Variants in ESR2 observed in about 807,000 individuals in gnomAD.
The protein encoded by ESR2 is estrogen receptor 2.
A neutral mutation model predicts 49.6 loss-of-function variants in ESR2; 36 were observed. That is an observed-to-expected ratio of 0.73 (90% CI 0.56 to 0.96). The LOEUF (loss-of-function observed/expected upper bound fraction) is 0.96, where lower values mean the gene tolerates loss of function less well. ESR2 is among the 40% of genes least tolerant of loss of function. The pLI is 0.00. For synonymous variants in ESR2, 320 were observed against 266.1 expected (o/e 1.20, Z -1.97); for missense variants, 714 against 693.0 (o/e 1.03, Z -0.34).
At chr14:64,321,059 T>C (rs1437456641) in intron 1 of ESR2, among the ~76,000 whole-genome samples, 1 of 152,166 alleles carries the variant, frequency 6.6e-6, no homozygotes, top group Non-Finnish European at 1.5e-5. Context: ...AAATAAAGTA[T>C]TATTTTTTAA....
At chr14:64,261,626 C>G (rs897937577) in intron 4 of ESR2, among the ~76,000 whole-genome samples, 9 of 152,038 alleles carry the variant, frequency 5.9e-5, no homozygotes, top group Admixed American at 5.9e-4. Flanking sequence ...CCATGTTGGC[C>G]AGGCTGCTCT....
intron 1 of ESR2, among the ~76,000 whole-genome samples, chr14:64,323,235 T>C (rs2077346111): frequency 6.6e-6 from 1 of 152,196 alleles, no homozygotes; most frequent in Non-Finnish European, 1.5e-5. Flanking sequence ...TGAGACAGGG[T>C]CTCACTCTGT....
At chr14:64,315,244 A>G (rs1241772870) in intron 1 of ESR2, among the ~76,000 whole-genome samples, 6 of 100,628 alleles carry the variant, frequency 6.0e-5, no homozygotes, top group Non-Finnish European at 1.3e-4. Context: ...AGTCTGTCTC[A>G]AAAAAAAAAA....
chr14:64,286,932 G>T lies in ESR2; in HGVS notation c.-90-3857C>A, dbSNP rs866327571. On this transcript the variant is annotated intron_variant, in intron 1 of 8. Coordinates refer to ENST00000341099, the MANE Select transcript of ESR2 (RefSeq NM_001437.3). Reference sequence around the variant, plus strand: ...GGGTTTCACCATGTTGGCCAGGCTGGTCTTGAACTCCTGACCTCAAGTGAT... The same window carrying T: ...GGGTTTCACCATGTTGGCCAGGCTGTTCTTGAACTCCTGACCTCAAGTGAT... Among the ~76,000 whole-genome samples the T allele has an allele frequency of 2.0e-5, 3 of 151,710 alleles. No homozygotes were observed. In the Middle Eastern group the frequency reaches 0.01, roughly 523 times the overall value.
intron 6 of ESR2, among the ~76,000 whole-genome samples, chr14:64,256,827 T>C (rs1423195971): frequency 6.6e-6 from 1 of 152,180 alleles, no homozygotes; most frequent in Non-Finnish European, 1.5e-5. Flanking sequence ...AAGAATTTTA[T>C]CACCTGTCCA....
In ESR2 at chr14:64,233,309, T is replaced by C. The variant is rs767658683; in HGVS notation, c.1421A>G (p.Glu474Gly). The change falls in exon 9 of 9, where the codon GAA becomes GGA. Residue 474 changes from glutamate to glycine, a missense_variant. Coordinates refer to ENST00000341099, the MANE Select transcript of ESR2 (RefSeq NM_001437.3). ...HVRHASNKGM[E>G]HLLNMKCKNV... is the part of the protein sequence containing the mutation. ...TTTGCACTTCATGTTGAGCAGATGT[T>C]CCATGCCCTTGTTACTATGGGGACA... 6.2e-7 allele frequency: 1 copy of C among 1,612,068 alleles called. No homozygotes were observed. The highest frequency in any genetic ancestry group is 8.5e-7 in the Non-Finnish European group (1 of 1,178,232).
In ESR2 at chr14:64,269,008, G is replaced by T; in HGVS notation, c.536-97C>A. The T allele has an allele frequency of 8.0e-6, 6 of 747,112 alleles. No homozygotes were observed. In the South Asian group the frequency reaches 9.8e-5, roughly 12 times the overall value. 46.3% of individuals were successfully genotyped at this position (747,112 alleles called of 1,614,324 possible). The stretch of plus-strand genomic sequence containing the variant: ...CACTGATAACACTTTCCAGCTGAGA[G>T]ATAGGGGACATCTTCTTAATGACCA... On this transcript the variant is annotated intron_variant, in intron 3 of 8. Transcript: ENST00000341099.
intron 1 of ESR2, among the ~76,000 whole-genome samples, chr14:64,305,584 T>C (rs1050080822): frequency 2.0e-5 from 3 of 151,542 alleles, no homozygotes; most frequent in Non-Finnish European, 4.4e-5. Flanking sequence ...GGCAGGAGAA[T>C]GGTGTGAACC....
At chr14:64,274,887 A>C (rs903817921) in intron 3 of ESR2, among the ~76,000 whole-genome samples, 2 of 152,272 alleles carry the variant, frequency 1.3e-5, no homozygotes, top group Middle Eastern at 3.4e-3. Flanking sequence ...TATATGGTTT[A>C]ATTTCCATGT....
At chr14:64,274,868 G>A (rs913811046) in intron 3 of ESR2, among the ~76,000 whole-genome samples, 1 of 152,108 alleles carries the variant, frequency 6.6e-6, no homozygotes, top group Non-Finnish European at 1.5e-5. Context: ...CACACTGGTT[G>A]TTCAGGAGTA....
At chr14:64,290,291 G>C (rs1274001673) in intron 1 of ESR2, among the ~76,000 whole-genome samples, 1 of 152,116 alleles carries the variant, frequency 6.6e-6, no homozygotes, top group East Asian at 1.9e-4. Context: ...GATTGATCTT[G>C]AACTCCTTGC....
At position 64,260,671 on chromosome 14, in the gene ESR2, T is replaced by C. The variant is rs576722274; in HGVS notation, c.730A>G (p.Lys244Glu). The C allele has an allele frequency of 6.3e-7, 1 of 1,583,294 alleles. No homozygotes were observed. The highest frequency in any genetic ancestry group is 8.6e-7 in the Non-Finnish European group (1 of 1,162,654). ...SADEQLHCAG[K>E]AKRSGGHAPR... is the part of the protein sequence containing the mutation. ...GCGTGGCCGCCACTTCTCTTGGCCT[T>C]GCCGGCACAGTGCAGCTGCTCGTCG... The change falls in exon 5 of 9, where the codon AAG (lysine) becomes GAG (glutamate). Residue 244 changes from lysine to glutamate, a missense_variant. Lys to Glu is a moderately conservative substitution (Grantham distance 56, BLOSUM62 1). Transcript: ENST00000341099.
chr14:64,300,808 CTCT>C (rs2077013092), intron 1 of ESR2, among the ~76,000 whole-genome samples: 1 of 152,190 alleles, frequency 6.6e-6, no homozygotes, highest in Admixed American at 6.5e-5. Context: ...TCATAAAACA[CTCT>C]TCTTTGAGAC....
intron 2 of ESR2, among the ~76,000 whole-genome samples, chr14:64,281,323 T>G (rs142940356): frequency 6.6e-6 from 1 of 152,118 alleles, no homozygotes; most frequent in African/African-American, 2.4e-5. Flanking sequence ...AAGGGAATGG[T>G]AAAGGTATTA....
intron 1 of ESR2, among the ~76,000 whole-genome samples, chr14:64,288,723 A>G (rs923876752): frequency 2.7e-5 from 4 of 149,928 alleles, no homozygotes; most frequent in African/African-American, 7.3e-5. Context: ...CGGGTGGCTC[A>G]TGCCTGTAAT....
intron 1 of ESR2, among the ~76,000 whole-genome samples, chr14:64,288,598 T>C (rs1459421903): frequency 6.6e-6 from 1 of 151,970 alleles, no homozygotes; most frequent in East Asian, 1.9e-4. Flanking sequence ...CCCGCCCGCC[T>C]TGGGCTCCCA....
intron 1 of ESR2, among the ~76,000 whole-genome samples, chr14:64,287,063 G>A (rs911799210): frequency 6.6e-6 from 1 of 150,458 alleles, no homozygotes; most frequent in South Asian, 2.1e-4. Flanking sequence ...TAAAATACAT[G>A]TAACATAAAA....
In ESR2 at chr14:64,251,407, A is replaced by T. The variant is rs891032475; in HGVS notation, c.1092-1728T>A. Among the ~76,000 whole-genome samples the T allele has an allele frequency of 2.8e-5, 3 of 108,792 alleles. No individual in the cohort carries two copies. In the South Asian group the frequency reaches 8.1e-4, roughly 29 times the overall value. 71.4% of individuals were successfully genotyped at this position (108,792 alleles called of 152,430 possible). On this transcript the variant is annotated intron_variant, in intron 6 of 8. Coordinates refer to ENST00000341099, the MANE Select transcript of ESR2 (RefSeq NM_001437.3). ...ATGTGGGATTATACACACATGCACA[A>T]TACATACACACACACACACACACTC... is the stretch of plus-strand genomic sequence containing the variant.
chr14:64,328,315 A>T (rs999899050), intron 1 of ESR2, among the ~76,000 whole-genome samples: 2 of 152,200 alleles, frequency 1.3e-5, no homozygotes, highest in African/African-American at 4.8e-5. Context: ...GGTACTCAGG[A>T]GGCCAAGACA....
Sources: allele counts gnomAD v4.1 joint callset (sites outside exome capture counted in the v4.1 genomes callset), GRCh38; gene constraint gnomAD v4.1.1; transcripts MANE v1.5; gene names NCBI Gene and HGNC (gene_info 2026-07-23, HGNC 2026-07-21).